Variants in LNX2 observed in about 807,000 individuals in gnomAD.
LNX2 encodes the protein ligand of Numb protein X 2.
In LNX2, 35 loss-of-function variants were observed where a neutral mutation model predicts 66.2. The ratio of observed to expected loss-of-function variants is 0.53; its 90% CI spans 0.40 to 0.70. LNX2 has a LOEUF of 0.70. Among genes scored for constraint, LNX2 ranks in the 30% least tolerant of loss-of-function variants. LNX2 has a pLI of 0.00. For missense variants in LNX2, 791 were observed against 850.8 expected (o/e 0.93, Z 0.87); for synonymous variants, 337 against 315.6 (o/e 1.07, Z -0.72).
In LNX2 at chr13:27,569,208, A is replaced by G. The variant is rs757643453; in HGVS notation, c.476T>C (p.Ile159Thr). The change falls in exon 3 of 10, where the codon ATT becomes ACT. Residue 159 changes from isoleucine (I) to threonine (T), a missense_variant. Transcript: ENST00000316334. ...TAGAGTGGGCCCATTTTCATTCTCA[A>G]TCTCTGCTTGAGTTCTACTAGTTTT... ...RRKTSRTQAE[I>T]ENENGPTLLD... The G allele has an allele frequency of 1.4e-5, 22 of 1,613,124 alleles. No individual in the cohort carries two copies. Among genetic ancestry groups the G allele is most frequent in the Non-Finnish European group, 1.8e-5 (21 of 1,179,580 alleles).
intron 1 of LNX2, among the ~76,000 whole-genome samples, chr13:27,593,012 T>C (rs745703673): frequency 6.6e-6 from 1 of 152,156 alleles, no homozygotes; most frequent in Non-Finnish European, 1.5e-5. Flanking sequence ...TGAGAAAATA[T>C]GCTAAATGAA....
At position 27,569,218 on chromosome 13, in the gene LNX2, G is replaced by C; in HGVS notation, c.466C>G (p.Gln156Glu). Residue 156 changes from glutamine (Q) to glutamate (E), a missense_variant, in exon 3 of 10, where the codon CAA becomes GAA. Gln to Glu is a conservative substitution (Grantham distance 29, BLOSUM62 2). Coordinates refer to ENST00000316334, the MANE Select transcript of LNX2 (RefSeq NM_153371.4). ...CCATTTTCATTCTCAATCTCTGCTTGAGTTCTACTAGTTTTCCTTCTCTCC... is the reference window on the plus strand; with the variant it reads ...CCATTTTCATTCTCAATCTCTGCTTCAGTTCTACTAGTTTTCCTTCTCTCC... ...ALERRKTSRT[Q>E]AEIENENGPT... The C allele has an allele frequency of 6.2e-7, 1 of 1,613,494 alleles. No individual in the cohort carries two copies. The highest frequency in any genetic ancestry group is 8.5e-7 in the Non-Finnish European group (1 of 1,179,718).
At chr13:27,588,704 C>A (rs539557851) in intron 1 of LNX2, among the ~76,000 whole-genome samples, 1 of 152,064 alleles carries the variant, frequency 6.6e-6, no homozygotes, top group East Asian at 1.9e-4. Flanking sequence ...ACAATTATCA[C>A]AAAATAAAAA....
intron 2 of LNX2, among the ~76,000 whole-genome samples, chr13:27,573,924 G>GAAA (rs58411252): frequency 3.0e-5 from 4 of 131,420 alleles, no homozygotes; most frequent in African/African-American, 1.1e-4. Flanking sequence ...CCATTCACAG[G>GAAA]AAAAAAAAAA....
intron 1 of LNX2, among the ~76,000 whole-genome samples, chr13:27,596,470 C>A (rs1593259839): frequency 6.6e-6 from 1 of 152,226 alleles, no homozygotes; most frequent in African/African-American, 2.4e-5. Context: ...CAAATTATAA[C>A]AGAAAAGATG....
Position 27,569,197 on chromosome 13 carries a change from T to G in LNX2, c.487A>C (p.Asn163His), listed in dbSNP as rs751866755. The G allele has an allele frequency of 2.5e-6, 4 of 1,612,936 alleles. No individual in the cohort carries two copies. In the Admixed American group the frequency reaches 5.0e-5, roughly 20 times the overall value. Residue 163 changes from asparagine to histidine, a missense_variant, in exon 3 of 10, where the codon AAT becomes CAT. Coordinates refer to ENST00000316334, the MANE Select transcript of LNX2 (RefSeq NM_153371.4). ...SRTQAEIENE[N>H]GPTLLDPAGT... Reference sequence around the variant, plus strand: ...GCAGGATCTAGTAGAGTGGGCCCATTTTCATTCTCAATCTCTGCTTGAGTT... The same window carrying G: ...GCAGGATCTAGTAGAGTGGGCCCATGTTCATTCTCAATCTCTGCTTGAGTT...
At chr13:27,604,615 C>T (rs1221329992) in intron 1 of LNX2, among the ~76,000 whole-genome samples, 2 of 152,048 alleles carry the variant, frequency 1.3e-5, no homozygotes, top group Non-Finnish European at 2.9e-5. Context: ...TTACTCTTAT[C>T]TGTTTTTCCA....
chr13:27,562,366 A>G (rs781353146), intron 5 of LNX2, 47 bp downstream of exon 5: 3 of 1,560,028 alleles, frequency 1.9e-6, no homozygotes, highest in Non-Finnish European at 2.6e-6. Context: ...ATACTACTAT[A>G]TGATCATTTC....
chr13:27,570,292 C>T (rs1271166282), intron 2 of LNX2, among the ~76,000 whole-genome samples: 2 of 152,154 alleles, frequency 1.3e-5, no homozygotes, highest in Non-Finnish European at 2.9e-5. Flanking sequence ...AGACCTTATG[C>T]CTAGGGTTGC....
intron 8 of LNX2, among the ~76,000 whole-genome samples, chr13:27,551,105 CAA>C (rs1234011968): frequency 3.8e-4 from 58 of 151,948 alleles, no homozygotes; most frequent in Non-Finnish European, 2.9e-5. Context: ...AAAACACTAA[CAA>C]AAAATCTTTT....
intron 1 of LNX2, among the ~76,000 whole-genome samples, chr13:27,619,701 A>G (rs1293256993): frequency 6.6e-6 from 1 of 152,268 alleles, no homozygotes; most frequent in East Asian, 1.9e-4. Context: ...TAAAAGAAAC[A>G]CTACATGAGT....
In LNX2 at chr13:27,564,151, G is replaced by A. The variant is rs578082563; in HGVS notation, c.856-1370C>T. Among the ~76,000 whole-genome samples, 60 of 152,130 alleles carry A rather than the reference G, an allele frequency of 3.9e-4. 1 individual carries two copies. The highest frequency in any genetic ancestry group is 3.4e-3 in the Middle Eastern group (1 of 294). ...CATATCACAAATGACTTTACAAAAC[G>A]TCTGGCTAAAATCCAGCCATGTGTA... On this transcript the variant is annotated intron_variant, in intron 4 of 9. Coordinates refer to ENST00000316334, the MANE Select transcript of LNX2 (RefSeq NM_153371.4).
chr13:27,569,170 C>A lies in LNX2; in HGVS notation c.514G>T (p.Gly172Cys). 6.2e-7 allele frequency: 1 copy of A among 1,612,782 alleles called. No individual in the cohort carries two copies. The highest frequency in any genetic ancestry group is 8.5e-7 in the Non-Finnish European group (1 of 1,179,530). Residue 172 changes from glycine to cysteine, a missense_variant, in exon 3 of 10, where the codon GGT (glycine) becomes TGT (cysteine). Transcript: ENST00000316334. ...CAGTCTGCTTCTGGAGATAAGGTAC[C>A]TGCAGGATCTAGTAGAGTGGGCCCA... ...ENGPTLLDPAGTLSPEADCLG... is the reference protein window; with the variant it reads ...ENGPTLLDPACTLSPEADCLG...
chr13:27,596,252 C>T (rs189113668), intron 1 of LNX2, among the ~76,000 whole-genome samples: 1 of 152,114 alleles, frequency 6.6e-6, no homozygotes, highest in African/African-American at 2.4e-5. Flanking sequence ...AAAATATATG[C>T]ACATTTTGTC....
intron 2 of LNX2, among the ~76,000 whole-genome samples, chr13:27,571,615 C>T (rs1157883518): frequency 3.9e-5 from 6 of 151,974 alleles, no homozygotes; most frequent in African/African-American, 1.5e-4. Context: ...CTGAATTGCA[C>T]ACTTTAAATA....
chr13:27,590,212 T>C (rs950840794), intron 1 of LNX2, among the ~76,000 whole-genome samples: 5 of 152,080 alleles, frequency 3.3e-5, no homozygotes, highest in Non-Finnish European at 7.4e-5. Context: ...GCTGCATCTA[T>C]GGTTGGTTTT....
chr13:27,563,181 T>A (rs1177377934), intron 4 of LNX2, among the ~76,000 whole-genome samples: 1 of 152,224 alleles, frequency 6.6e-6, no homozygotes, highest in Non-Finnish European at 1.5e-5. Context: ...CAAGTGCTAA[T>A]GAAATAAATA....
intron 7 of LNX2, among the ~76,000 whole-genome samples, chr13:27,554,259 A>T (rs1566114947): frequency 6.6e-6 from 1 of 152,256 alleles, no homozygotes; most frequent in Non-Finnish European, 1.5e-5. Context: ...TTTACTTAAT[A>T]GCAGCTTGAG....
intron 1 of LNX2, among the ~76,000 whole-genome samples, chr13:27,598,341 CAAG>C (rs2138444098): frequency 6.6e-6 from 1 of 151,848 alleles, no homozygotes; most frequent in East Asian, 1.9e-4. Flanking sequence ...AGTGAAAAAA[CAAG>C]AACACAGGAC....
Sources: allele counts gnomAD v4.1 joint callset (sites outside exome capture counted in the v4.1 genomes callset), GRCh38; gene constraint gnomAD v4.1.1; transcripts MANE v1.5; gene names NCBI Gene and HGNC (gene_info 2026-07-23, HGNC 2026-07-21).